Variants in GRTP1 observed in about 807,000 individuals in gnomAD.
GRTP1 encodes growth hormone-regulated TBC protein 1.
GRTP1 carries 56 observed loss-of-function variants against 38.1 expected under a neutral mutation model. That is an observed-to-expected ratio of 1.47 (90% CI 1.19 to 1.84). The LOEUF (loss-of-function observed/expected upper bound fraction) is 1.84. GRTP1 is among the 40% of genes most tolerant of loss of function. The pLI is 0.00. For synonymous variants in GRTP1, 217 were observed against 189.5 expected (o/e 1.14, Z -1.19); for missense variants, 506 against 453.9 (o/e 1.11, Z -1.04).
At position 113,325,820 on chromosome 13, in the gene GRTP1, C is replaced by G. The variant is rs919750906; in HGVS notation, c.762G>C (p.Leu254Phe). The G allele has an allele frequency of 1.9e-6, 3 of 1,613,558 alleles. No individual in the cohort carries two copies. Among genetic ancestry groups the G allele is most frequent in the African/African-American group, 2.7e-5 (2 of 74,932 alleles). ...VETVLRIWDC[L>F]FNEGSKIIFR... ...AGATAATCTTCGAGCCTTCGTTAAA[C>G]AAACAGTCCCAGATCCGAAGCACTG... The change falls in exon 7 of 8, where the codon TTG (leucine) becomes TTC (phenylalanine). Residue 254 changes from leucine to phenylalanine, a missense_variant. Physicochemically the swap from Leu to Phe is conservative, Grantham distance 22 (BLOSUM62 0). Transcript: ENST00000375431.
rs74967263 is a variant in GRTP1, at chr13:113,348,122, C to A, written c.465+2727G>T. On this transcript the variant is annotated intron_variant, in intron 4 of 7. Coordinates refer to ENST00000375431, the MANE Select transcript of GRTP1 (RefSeq NM_024719.4). The surrounding 1 kb of genome is among the most constrained non-coding windows in gnomAD (Gnocchi z 4.8). Reference sequence around the variant, plus strand: ...ACCTGGGAGAGGGCGACCATGTGGACAGTGTGGACACATGGAAATGCAGGT... The same window carrying A: ...ACCTGGGAGAGGGCGACCATGTGGAAAGTGTGGACACATGGAAATGCAGGT... 1.5e-3 allele frequency among the ~76,000 whole-genome samples: 234 copies of A among 152,252 alleles called. 1 individual carries two copies. Among genetic ancestry groups the A allele is most frequent in the African/African-American group, 5.4e-3 (225 of 41,528 alleles).
At chr13:113,326,337 C>T (rs1161519847) in intron 5 of GRTP1, among the ~76,000 whole-genome samples, 1 of 125,838 alleles carries the variant, frequency 7.9e-6, no homozygotes, top group Non-Finnish European at 1.6e-5. Context: ...TGCCGCCTGG[C>T]TGGGCATCAG....
intron 4 of GRTP1, among the ~76,000 whole-genome samples, chr13:113,347,910 G>C: frequency 2.0e-5 from 3 of 149,054 alleles, no homozygotes; most frequent in African/African-American, 7.5e-5. Flanking sequence ...GAGGACCTCT[G>C]TGGCCAAGAA....
At position 113,346,068 on chromosome 13, in the gene GRTP1, C is replaced by CTG. The variant is rs1566428983; in HGVS notation, c.466-1111_466-1110dup. On this transcript the variant is annotated intron_variant, in intron 4 of 7. Coordinates refer to ENST00000375431, the MANE Select transcript of GRTP1 (RefSeq NM_024719.4). ...GCCGAGAGCAGACCCGGGAGGACCT[C>CTG]TGCGGCTGAGCAGACCTGGGAAGAC... Among the ~76,000 whole-genome samples, 12 of 82,230 alleles carry CTG rather than the reference C, an allele frequency of 1.5e-4. 3 individuals carry two copies. The highest frequency in any genetic ancestry group is 6.5e-4 in the African/African-American group (12 of 18,418). 53.9% of individuals were successfully genotyped at this position (82,230 alleles called of 152,430 possible). A position where few individuals can be genotyped will look rare whatever the true frequency, so the allele number is the denominator to read the frequency against.
chr13:113,346,036 ATCTGTGGCCG>A (rs2043104780), intron 4 of GRTP1, among the ~76,000 whole-genome samples: 4 of 30,422 alleles, frequency 1.3e-4, no homozygotes, highest in African/African-American at 4.7e-4. Context: ...CTGGGAAGAC[ATCTGTGGCCG>A]AGAGCAGACC....
At chr13:113,333,831 T>G (rs1237855004) in intron 5 of GRTP1, among the ~76,000 whole-genome samples, 68 of 105,572 alleles carry the variant, frequency 6.4e-4, no homozygotes, top group Middle Eastern at 4.5e-3. Flanking sequence ...TATTTATTTA[T>G]TTATTTAGTG....
At chr13:113,335,119 C>G (rs775873601) in intron 5 of GRTP1, among the ~76,000 whole-genome samples, 1 of 151,756 alleles carries the variant, frequency 6.6e-6, no homozygotes, top group African/African-American at 2.4e-5. Context: ...CCATGCCTGG[C>G]CAAGTTTGTC....
intron 3 of GRTP1, chr13:113,351,527 C>T (rs2043266160): frequency 1.3e-5 from 2 of 157,386 alleles, no homozygotes; most frequent in Admixed American, 1.2e-4. Context: ...CAGGAGGCAT[C>T]CCTGCCGGCC....
At chr13:113,337,520 TA>T (rs951193454) in intron 5 of GRTP1, among the ~76,000 whole-genome samples, 2 of 152,168 alleles carry the variant, frequency 1.3e-5, no homozygotes, top group East Asian at 3.9e-4. Flanking sequence ...AGAGTTCTTT[TA>T]AAAAAAAGTA....
In GRTP1 at chr13:113,348,897, T is replaced by A. The variant is rs1018687166; in HGVS notation, c.465+1952A>T. ...TGAGAGAGAATTCGTTTCCACTGTT[T>A]ACCAGGCTGTGGCATTTCCTTAGGG... On this transcript the variant is annotated intron_variant, in intron 4 of 7. Coordinates refer to ENST00000375431, the MANE Select transcript of GRTP1 (RefSeq NM_024719.4). The surrounding 1 kb of genome is among the most constrained non-coding windows in gnomAD (Gnocchi z 4.8). Among the ~76,000 whole-genome samples, 1 of 152,192 alleles carries A rather than the reference T, an allele frequency of 6.6e-6. No individual in the cohort carries two copies. The highest frequency in any genetic ancestry group is 2.4e-5 in the African/African-American group (1 of 41,448).
chr13:113,359,371 C>T (rs903834798), intron 2 of GRTP1, among the ~76,000 whole-genome samples: 2 of 152,150 alleles, frequency 1.3e-5, no homozygotes, highest in African/African-American at 4.8e-5. Context: ...ATTTGATAGG[C>T]CAGGTGCAGT....
intron 2 of GRTP1, among the ~76,000 whole-genome samples, chr13:113,356,050 CAGAA>C (rs67270743): frequency 0.42 from 63,744 of 151,576 alleles, 13,812 homozygotes; most frequent in East Asian, 0.67. Flanking sequence ...CATATAGGGA[CAGAA>C]AGAAGCCAAA....
chr13:113,361,793 CTTT>C (rs1479250654), intron 2 of GRTP1: 1 of 152,188 alleles, frequency 6.6e-6, no homozygotes, highest in Non-Finnish European at 1.5e-5. Context: ...ATAAATTATG[CTTT>C]TTAAGTTCAC....
chr13:113,324,589 A>T lies in GRTP1; in HGVS notation c.922-12T>A, dbSNP rs770478024. The T allele has an allele frequency of 1.3e-6, 2 of 1,594,386 alleles. No homozygotes were observed. Among genetic ancestry groups the T allele is most frequent in the East Asian group, 4.6e-5 (2 of 43,902 alleles). On this transcript the variant is annotated splice_polypyrimidine_tract_variant and intron_variant, in intron 7 of 7. Coordinates refer to ENST00000375431, the MANE Select transcript of GRTP1 (RefSeq NM_024719.4). ...TCTGAAAATATTTTCTGGAAGGCAAACAGTTAGTTTAAAAACAAACCCAAC... is the reference window on the plus strand; with the variant it reads ...TCTGAAAATATTTTCTGGAAGGCAATCAGTTAGTTTAAAAACAAACCCAAC...
chr13:113,330,985 GGAGCCCAGGCGT>G (rs2042861309), intron 5 of GRTP1, among the ~76,000 whole-genome samples: 2 of 150,042 alleles, frequency 1.3e-5, no homozygotes, highest in African/African-American at 4.9e-5. Context: ...TGTGTGCATG[GGAGCCCAGGCGT>G]GTGCATGGAA....
chr13:113,344,539 C>G (rs545168959), intron 5 of GRTP1, among the ~76,000 whole-genome samples: 89 of 152,138 alleles, frequency 5.8e-4, no homozygotes, highest in Non-Finnish European at 1.1e-3. Flanking sequence ...CATGGTGAAA[C>G]TCCATCTCTA....
intron 3 of GRTP1, among the ~76,000 whole-genome samples, chr13:113,351,252 C>T (rs1449506969): frequency 1.3e-5 from 2 of 152,200 alleles, no homozygotes; most frequent in Non-Finnish European, 2.9e-5. Flanking sequence ...GGCCATGGCA[C>T]TCCCTCCTCA....
chr13:113,363,621 G>T, intron 2 of GRTP1, 141 bp downstream of exon 2: 1 of 879,906 alleles, frequency 1.1e-6, no homozygotes, highest in South Asian at 1.8e-5. Context: ...GGCTGCCCTA[G>T]CTCGGAGCCC....
intron 5 of GRTP1, among the ~76,000 whole-genome samples, chr13:113,332,815 G>A (rs2042896497): frequency 6.6e-6 from 1 of 152,164 alleles, no homozygotes; most frequent in Admixed American, 6.5e-5. Flanking sequence ...GGAAGCCGTC[G>A]GCGCCACATT....
Sources: allele counts gnomAD v4.1 joint callset (sites outside exome capture counted in the v4.1 genomes callset), GRCh38; gene constraint gnomAD v4.1.1; non-coding constraint Gnocchi (gnomAD v3.1); transcripts MANE v1.5; gene names NCBI Gene and HGNC (gene_info 2026-07-23, HGNC 2026-07-21).